Variants in NLRP5 observed in about 807,000 individuals in gnomAD.
NLRP5 encodes NACHT, LRR and PYD domains-containing protein 5.
A neutral mutation model predicts 113.1 loss-of-function variants in NLRP5; 93 were observed. The ratio of observed to expected loss-of-function variants is 0.82; its 90% confidence interval spans 0.70 to 0.98. NLRP5 has a LOEUF of 0.98. NLRP5 is among the 50% of genes least tolerant of loss of function. NLRP5 has a pLI of 0.00. For missense variants in NLRP5, 1,808 were observed against 1,514.3 expected (o/e 1.19, Z -3.22); for synonymous variants, 751 against 600.7 (o/e 1.25, Z -3.66).
At chr19:56,039,177 CTG>C (rs1290599948) in intron 10 of NLRP5, among the ~76,000 whole-genome samples, 1 of 152,202 alleles carries the variant, frequency 6.6e-6, no homozygotes, top group Non-Finnish European at 1.5e-5. Flanking sequence ...TTCAGAAAGG[CTG>C]TGTCACTTGT....
At chr19:56,012,105 A>G (rs1982216528) in intron 3 of NLRP5, among the ~76,000 whole-genome samples, 4 of 151,984 alleles carry the variant, frequency 2.6e-5, no homozygotes, top group Admixed American at 2.6e-4. Context: ...CCTAATATAA[A>G]TCCACCCCCA....
At chr19:56,011,490 T>C (rs897826814) in intron 3 of NLRP5, among the ~76,000 whole-genome samples, 1 of 152,014 alleles carries the variant, frequency 6.6e-6, no homozygotes, top group Non-Finnish European at 1.5e-5. Context: ...TTTGTGAAAT[T>C]TATTTCTGTA....
chr19:56,022,806 C>G (rs1341921935), intron 6 of NLRP5, among the ~76,000 whole-genome samples: 1 of 152,144 alleles, frequency 6.6e-6, no homozygotes, highest in Non-Finnish European at 1.5e-5. Context: ...CTCACTGCAA[C>G]CTCCGCCTCC....
chr19:56,044,447 T>G (rs1286693637), intron 11 of NLRP5, among the ~76,000 whole-genome samples: 4 of 152,252 alleles, frequency 2.6e-5, no homozygotes, highest in Non-Finnish European at 4.4e-5. Flanking sequence ...TAGCCAATTA[T>G]CTCAGCACCG....
intron 9 of NLRP5, among the ~76,000 whole-genome samples, chr19:56,034,397 A>C (rs537409190): frequency 1.4e-4 from 22 of 152,358 alleles, no homozygotes; most frequent in African/African-American, 5.3e-4. Flanking sequence ...AAAGGAAAAA[A>C]AGTGCCCTTC....
In NLRP5 at chr19:56,003,925, C is replaced by A; in HGVS notation, c.272C>A (p.Ser91Ter). The change falls in exon 2 of 15, where the codon TCG becomes TAG. Residue 91 changes from serine (S) to a stop codon, truncating the protein, a stop_gained. Coordinates refer to ENST00000390649, the MANE Select transcript of NLRP5 (RefSeq NM_153447.4). LOFTEE classifies it high-confidence loss of function. The stretch of plus-strand genomic sequence containing the variant: ...TTACTAAAGAAGAAATCTTCAGAAT[C>A]GACCACATGCTCTATTCCACAGTTT... The A allele has an allele frequency of 1.9e-6, 3 of 1,613,980 alleles. No homozygotes were observed. The highest frequency in any genetic ancestry group is 2.2e-5 in the East Asian group (1 of 44,888).
intron 11 of NLRP5, among the ~76,000 whole-genome samples, chr19:56,041,914 G>C (rs146617362): frequency 9.1e-4 from 139 of 152,304 alleles, no homozygotes; most frequent in African/African-American, 3.3e-3. Context: ...AGCTGAGATT[G>C]TGCCATTGCA....
intron 9 of NLRP5, among the ~76,000 whole-genome samples, chr19:56,034,594 T>C (rs1052949257): frequency 2.6e-5 from 4 of 152,214 alleles, no homozygotes; most frequent in African/African-American, 9.7e-5. Flanking sequence ...TTCCTAATCC[T>C]CAGGAGCCAC....
intron 9 of NLRP5, among the ~76,000 whole-genome samples, chr19:56,036,475 C>T (rs1379252603): frequency 1.3e-5 from 2 of 152,178 alleles, no homozygotes; most frequent in East Asian, 3.8e-4. Flanking sequence ...TCAATAACGA[C>T]AGACGCTTGA....
chr19:56,061,212 C>G (rs961831628), intron 14 of NLRP5, among the ~76,000 whole-genome samples, 184 bp from the exon 15 acceptor site: 1 of 152,306 alleles, frequency 6.6e-6, no homozygotes, highest in South Asian at 2.1e-4. Flanking sequence ...CAAGCTGTTT[C>G]TTTTCTTGTC....
chr19:55,989,506 G>C, the NLRP5 span, among the ~76,000 whole-genome samples: 4 of 152,170 alleles, frequency 2.6e-5, no homozygotes. Context: ...ACCCACCTCA[G>C]CCTCCCAAAG....
chr19:56,050,677 AC>A lies in NLRP5; in HGVS notation c.3128+91del, dbSNP rs527786512. The A allele has an allele frequency of 5.0e-5, 65 of 1,288,228 alleles. No homozygotes were observed. The African/African-American group carries it at 7.9e-4, about 16-fold the overall frequency. The allele number at this position is 1,288,228 out of a possible 1,614,324, so 79.8% of individuals were successfully genotyped here. A position where few individuals can be genotyped will look rare whatever the true frequency, so the allele number is the denominator to read the frequency against. ...AAGAGATAGGAGCAGGGAGACCGGA[AC>A]CAAAAACTGCTTTCAGGGTGAGCTG... On this transcript the variant is annotated intron_variant, in intron 12 of 14. Coordinates refer to ENST00000390649, the MANE Select transcript of NLRP5 (RefSeq NM_153447.4).
intron 3 of NLRP5, 113 bp from the exon 4 acceptor site, chr19:56,015,629 T>A: frequency 1.2e-6 from 1 of 820,314 alleles, no homozygotes; most frequent in Non-Finnish European, 1.8e-6. Flanking sequence ...TGCTCTAAAC[T>A]GGTCAGAAAA....
At chr19:56,051,446 G>C (rs1034125446) in intron 12 of NLRP5, among the ~76,000 whole-genome samples, 2 of 152,110 alleles carry the variant, frequency 1.3e-5, no homozygotes, top group African/African-American at 4.8e-5. Flanking sequence ...ACCCACTTTG[G>C]CCTCCCAAAG....
At chr19:56,060,056 G>A (rs935524737) in intron 14 of NLRP5, among the ~76,000 whole-genome samples, 8 of 152,192 alleles carry the variant, frequency 5.3e-5, no homozygotes, top group Non-Finnish European at 8.8e-5. Flanking sequence ...TGGGAGTCTT[G>A]GTTTGGTCAG....
At chr19:56,039,496 C>T (rs1002252313) in intron 10 of NLRP5, among the ~76,000 whole-genome samples, 7 of 152,150 alleles carry the variant, frequency 4.6e-5, no homozygotes, top group Non-Finnish European at 8.8e-5. Context: ...ACACCCTGAG[C>T]TCTCGATCTT....
chr19:56,055,695 G>A (rs894999973), intron 13 of NLRP5, among the ~76,000 whole-genome samples: 22 of 151,272 alleles, frequency 1.5e-4, no homozygotes, highest in South Asian at 4.2e-4. Context: ...ACAGGTGCCC[G>A]CCACCACGCC....
rs1568493839 is a variant in NLRP5 at position 56,032,632 on chromosome 19, TGAG to T, written c.2302_2304del (p.Glu768del). On this transcript the variant is annotated inframe_deletion, in exon 8 of 15. Coordinates refer to ENST00000390649, the MANE Select transcript of NLRP5 (RefSeq NM_153447.4). ...ATAGGATGCGGGATAAGACCCTCAT[TGAG>T]GAGCAGTGGGAAGATTTCTGCTCCA... 1 of 1,613,650 alleles carries T rather than the reference TGAG, an allele frequency of 6.2e-7. No homozygotes were observed. Among genetic ancestry groups the T allele is most frequent in the Non-Finnish European group, 8.5e-7 (1 of 1,179,758 alleles).
In NLRP5 at chr19:56,027,497, G is replaced by A. The variant is rs771977909; in HGVS notation, c.1264G>A (p.Val422Met). ...CACAGAGAAGCTCAAGTCAGAGGTC[G>A]TGTCTCCCCGTTACCTGTTAGTTAG... The change falls in exon 7 of 15, where the codon GTG (valine) becomes ATG (methionine). Residue 422 changes from valine (V) to methionine (M), a missense_variant. Transcript: ENST00000390649. 16 of 1,613,774 alleles carry A rather than the reference G, an allele frequency of 9.9e-6. No homozygotes were observed. Among genetic ancestry groups the A allele is most frequent in the Middle Eastern group, 1.6e-4 (1 of 6,084 alleles).
Sources: gnomAD v4.1 joint callset for allele counts (sites outside exome capture counted in the v4.1 genomes callset) on GRCh38, gnomAD v4.1.1 for gene constraint, MANE v1.5 for transcripts, NCBI Gene and HGNC (gene_info 2026-07-23, HGNC 2026-07-21) for gene names.